CDH8: variants seen among roughly 807,000 people sequenced by gnomAD.
CDH8 encodes cadherin 8, also known as cadherin-8.
CDH8 carries 17 observed loss-of-function variants against 68.1 expected under a neutral mutation model. That is an observed-to-expected ratio of 0.25 (90% CI 0.17 to 0.37). The LOEUF (loss-of-function observed/expected upper bound fraction) is 0.37, where lower values mean the gene tolerates loss of function less well. Among genes scored for constraint, CDH8 ranks in the 10% least tolerant of loss-of-function variants. The pLI is 1.00. For synonymous variants in CDH8, 372 were observed against 365.1 expected, an observed-to-expected ratio of 1.02 and a Z score of -0.21; for missense variants, 763 against 999.3, an observed-to-expected ratio of 0.76 and a Z score of 3.19.
chr16:61,656,348 ATATATAAGC>A (rs1963448367), intron 10 of CDH8, among the ~76,000 whole-genome samples: 2 of 152,212 alleles, frequency 1.3e-5, no homozygotes, highest in South Asian at 4.1e-4. Flanking sequence ...TCCATATACC[ATATATAAGC>A]TTTATTTTCT....
At chr16:61,881,139 C>T (rs1963569471) in intron 3 of CDH8, among the ~76,000 whole-genome samples, 1 of 152,192 alleles carries the variant, frequency 6.6e-6, no homozygotes, top group Non-Finnish European at 1.5e-5. Context: ...AGAAGATCTA[C>T]AGACCTTCTG....
At chr16:61,746,989 C>A (rs1409762913) in intron 8 of CDH8, among the ~76,000 whole-genome samples, 1 of 152,052 alleles carries the variant, frequency 6.6e-6, no homozygotes, top group Non-Finnish European at 1.5e-5. Context: ...TATAGTACAA[C>A]CCACTATCTC....
intron 1 of CDH8, among the ~76,000 whole-genome samples, chr16:62,033,867 GA>G (rs35810250): frequency 5.4e-5 from 8 of 148,032 alleles, no homozygotes; most frequent in East Asian, 2.0e-4. Context: ...TCAGAGTCCA[GA>G]AAAAAAAAAA....
chr16:61,792,049 T>C (rs1961390367), intron 7 of CDH8, among the ~76,000 whole-genome samples: 1 of 152,008 alleles, frequency 6.6e-6, no homozygotes, highest in Non-Finnish European at 1.5e-5. Context: ...TTAAATGATA[T>C]ATTAATAAAC....
At chr16:61,755,914 T>C (rs567142921) in intron 8 of CDH8, among the ~76,000 whole-genome samples, 6 of 152,044 alleles carry the variant, frequency 3.9e-5, no homozygotes, top group African/African-American at 1.4e-4. Context: ...TCTGCCTCGC[T>C]GGTTCAAGCG....
chr16:61,909,064 T>C (rs1210156760), intron 2 of CDH8, among the ~76,000 whole-genome samples: 1 of 151,650 alleles, frequency 6.6e-6, no homozygotes, highest in Non-Finnish European at 1.5e-5. Context: ...AAGAACATAG[T>C]ATCCAACACT....
chr16:61,796,194 AAG>A (rs928335481), intron 7 of CDH8, among the ~76,000 whole-genome samples: 2 of 152,082 alleles, frequency 1.3e-5, no homozygotes, highest in Admixed American at 6.6e-5. Flanking sequence ...GAAAAAGAGA[AAG>A]AAAAAAATTA....
intron 3 of CDH8, among the ~76,000 whole-genome samples, chr16:61,866,243 T>C (rs1276848371): frequency 6.6e-6 from 1 of 150,916 alleles, no homozygotes; most frequent in Non-Finnish European, 1.5e-5. Flanking sequence ...AAAAAAGAAA[T>C]GTAATTCATT....
At chr16:61,884,003 G>GA (rs1234651486) in intron 3 of CDH8, among the ~76,000 whole-genome samples, 2 of 151,484 alleles carry the variant, frequency 1.3e-5, no homozygotes, top group Non-Finnish European at 2.9e-5. Flanking sequence ...ATTTCTGTTA[G>GA]AAAAAAAAGG....
chr16:61,906,302 A>C (rs1964061104), intron 2 of CDH8, among the ~76,000 whole-genome samples: 1 of 152,230 alleles, frequency 6.6e-6, no homozygotes, highest in Non-Finnish European at 1.5e-5. Context: ...ACCATTCTCA[A>C]AGCTTCCTTA....
intron 10 of CDH8, chr16:61,692,812 C>G (rs1007711074): frequency 6.6e-6 from 1 of 151,972 alleles, no homozygotes; most frequent in Non-Finnish European, 1.5e-5. Flanking sequence ...TTTGGGAGGT[C>G]AGGAAGCTTT....
chr16:61,923,934 CATCAGAATCATGGGT>C (rs933313527), intron 2 of CDH8, among the ~76,000 whole-genome samples: 7 of 149,858 alleles, frequency 4.7e-5, no homozygotes, highest in Admixed American at 1.3e-4. Context: ...CTTCTGCAAG[CATCAGAATCATGGGT>C]ATCAGAATCA....
At chr16:61,753,658 T>G (rs1960230699) in intron 8 of CDH8, among the ~76,000 whole-genome samples, 1 of 152,192 alleles carries the variant, frequency 6.6e-6, no homozygotes, top group African/African-American at 2.4e-5. Flanking sequence ...ATAAAGATGG[T>G]AACAGAGACA....
intron 10 of CDH8, among the ~76,000 whole-genome samples, chr16:61,688,829 C>A (rs1411924161): frequency 6.6e-6 from 1 of 152,048 alleles, no homozygotes; most frequent in East Asian, 1.9e-4. Context: ...TCTTTATGAT[C>A]TTCAAAGCGA....
chr16:61,702,303 C>T (rs919886324), intron 10 of CDH8, among the ~76,000 whole-genome samples: 4 of 151,556 alleles, frequency 2.6e-5, no homozygotes, highest in Admixed American at 6.6e-5. Flanking sequence ...GCCCGGGAGG[C>T]GGAGCTTGCA....
intron 8 of CDH8, among the ~76,000 whole-genome samples, chr16:61,751,573 C>T: frequency 6.6e-6 from 1 of 151,940 alleles, no homozygotes; most frequent in Non-Finnish European, 1.5e-5. Context: ...AATGCATTAA[C>T]ATGGTGAATT....
chr16:61,867,582 C>A (rs552588242), intron 3 of CDH8, among the ~76,000 whole-genome samples: 1 of 152,146 alleles, frequency 6.6e-6, no homozygotes, highest in East Asian at 1.9e-4. Context: ...AGAAGGGTAC[C>A]CATGAATTTG....
At chr16:61,871,016 A>T (rs1221589757) in intron 3 of CDH8, among the ~76,000 whole-genome samples, 1 of 152,004 alleles carries the variant, frequency 6.6e-6, no homozygotes, top group African/African-American at 2.4e-5. Flanking sequence ...ATAAATAGGT[A>T]CTCGATAAAT....
intron 8 of CDH8, among the ~76,000 whole-genome samples, chr16:61,773,338 C>T (rs1003265410): frequency 6.6e-6 from 1 of 151,916 alleles, no homozygotes; most frequent in Non-Finnish European, 1.5e-5. Flanking sequence ...AAATGCATGT[C>T]TCTAGTTTGT....
Sources: gnomAD v4.1 joint callset for allele counts (sites outside exome capture counted in the v4.1 genomes callset) on GRCh38, gnomAD v4.1.1 for gene constraint, MANE v1.5 for transcripts, NCBI Gene and HGNC (gene_info 2026-07-23, HGNC 2026-07-21) for gene names.